Variants in STIM1 observed in about 807,000 individuals in gnomAD.
The protein encoded by STIM1 is stromal interaction molecule 1.
In STIM1, 25 loss-of-function variants were observed where a neutral mutation model predicts 74.7. The ratio of observed to expected loss-of-function variants is 0.33; its 90% confidence interval spans 0.24 to 0.47. The LOEUF is 0.47. Ranked by LOEUF, STIM1 falls within the 20% of genes least tolerant of loss-of-function variation. The probability of loss-of-function intolerance (pLI) is 1.00; values close to 1 mark genes in which losing one functional copy is unlikely to be tolerated. For synonymous variants in STIM1, 328 were observed against 348.8 expected, an observed-to-expected ratio of 0.94 and a Z score of 0.66; for missense variants, 728 against 920.8, an observed-to-expected ratio of 0.79 and a Z score of 2.71.
intron 3 of STIM1, among the ~76,000 whole-genome samples, chr11:4,029,611 C>A (rs2094030600): frequency 6.6e-6 from 1 of 150,888 alleles, no homozygotes; most frequent in Admixed American, 6.6e-5. Context: ...CAGAGAGAGA[C>A]AGAGTGTGCG....
At chr11:3,903,818 A>G (rs1485780451) in intron 1 of STIM1, among the ~76,000 whole-genome samples, 2 of 152,190 alleles carry the variant, frequency 1.3e-5, no homozygotes, top group Admixed American at 6.5e-5. Context: ...GTCTGTGTCC[A>G]TGAACAACCT....
Position 4,091,299 on chromosome 11 carries a change from A to G in STIM1, c.1652A>G (p.Asp551Gly). 1 of 1,614,020 alleles carries G rather than the reference A, an allele frequency of 6.2e-7. No homozygotes were observed. The highest frequency in any genetic ancestry group is 8.5e-7 in the Non-Finnish European group (1 of 1,180,006). The stretch of plus-strand genomic sequence containing the variant: ...TCTTGCAGGGATTTGACCCATTCCG[A>G]TTCGGAGTCCTCCCTCCACATGAGT... ...LGSQRDLTHS[D>G]SESSLHMSDR... The change falls in exon 13 of 13, where the codon GAT (aspartate) becomes GGT (glycine). Residue 551 changes from aspartate to glycine, a missense_variant. Asp to Gly is a moderately conservative substitution (Grantham distance 94). This residue lies in a region of STIM1 where 352 missense variants were observed against 370.1 expected (regional missense o/e 0.95). Transcript: ENST00000526596.
At chr11:4,031,534 A>G (rs940746926) in intron 3 of STIM1, among the ~76,000 whole-genome samples, 1 of 152,196 alleles carries the variant, frequency 6.6e-6, no homozygotes, top group Non-Finnish European at 1.5e-5. Context: ...GTTCTTCCAT[A>G]TCTTTACAAA....
At chr11:4,074,742 C>T in intron 7 of STIM1, 63 bp downstream of exon 7, 2 of 1,526,160 alleles carry the variant, frequency 1.3e-6, no homozygotes, top group Non-Finnish European at 1.8e-6. Flanking sequence ...GGCCCAGGGT[C>T]TGGCTAGAAA....
chr11:3,940,016 A>G (rs1010786613), intron 1 of STIM1, among the ~76,000 whole-genome samples: 1 of 152,196 alleles, frequency 6.6e-6, no homozygotes, highest in Non-Finnish European at 1.5e-5. Flanking sequence ...TGGGATCTTC[A>G]TATCATTGCT....
At chr11:3,973,334 A>G (rs1378248366) in intron 2 of STIM1, 2 of 444,596 alleles carry the variant, frequency 4.5e-6, no homozygotes, top group Non-Finnish European at 8.8e-6. Flanking sequence ...TAGATGAAAC[A>G]CTAGCCATCT....
At chr11:4,003,951 C>T (rs996331672) in intron 2 of STIM1, among the ~76,000 whole-genome samples, 1 of 152,134 alleles carries the variant, frequency 6.6e-6, no homozygotes, top group Non-Finnish European at 1.5e-5. Context: ...CAATAACAGA[C>T]AAACAGAGAG....
intron 3 of STIM1, among the ~76,000 whole-genome samples, chr11:4,032,579 G>T (rs557909443): frequency 4.7e-4 from 71 of 152,250 alleles, no homozygotes; most frequent in African/African-American, 1.6e-3. Flanking sequence ...GAATAGGATT[G>T]CATTGAATCT....
At chr11:3,981,640 G>T (rs1326685956) in intron 2 of STIM1, among the ~76,000 whole-genome samples, 2 of 152,168 alleles carry the variant, frequency 1.3e-5, no homozygotes, top group Non-Finnish European at 2.9e-5. Context: ...TGAAGTCAGT[G>T]TTGGGTTGTT....
At chr11:3,978,446 C>T (rs1465600040) in intron 2 of STIM1, among the ~76,000 whole-genome samples, 3 of 150,260 alleles carry the variant, frequency 2.0e-5, no homozygotes, top group Non-Finnish European at 3.0e-5. Context: ...CCACGCCCGG[C>T]GCCTGTGTAC....
intron 5 of STIM1, among the ~76,000 whole-genome samples, chr11:4,067,344 G>A (rs551055379): frequency 7.9e-5 from 12 of 152,286 alleles, no homozygotes; most frequent in African/African-American, 2.9e-4. Flanking sequence ...TTAAGGCCTG[G>A]TTATTTGGCC....
At chr11:3,892,043 G>T (rs916256384) in intron 1 of STIM1, among the ~76,000 whole-genome samples, 3 of 152,152 alleles carry the variant, frequency 2.0e-5, no homozygotes, top group African/African-American at 7.2e-5. Flanking sequence ...ATAGAAATTT[G>T]GTAAATGTTT....
At chr11:3,920,208 G>C (rs935570293) in intron 1 of STIM1, among the ~76,000 whole-genome samples, 1 of 151,526 alleles carries the variant, frequency 6.6e-6, no homozygotes, top group Non-Finnish European at 1.5e-5. Flanking sequence ...CAGTCTTTCT[G>C]CCTCAGCCTC....
chr11:3,864,429 A>C (rs2090766574), intron 1 of STIM1, among the ~76,000 whole-genome samples: 1 of 152,032 alleles, frequency 6.6e-6, no homozygotes, highest in Non-Finnish European at 1.5e-5. Flanking sequence ...TGAAGACTCT[A>C]TTTGGGGGGA....
intron 4 of STIM1, 130 bp from the exon 5 acceptor site, chr11:4,059,151 T>C: frequency 1.2e-6 from 1 of 863,226 alleles, no homozygotes; most frequent in Non-Finnish European, 1.9e-6. Flanking sequence ...GTATAGACTC[T>C]GTGTTCTAGA....
chr11:3,968,891 A>T (rs2093365306), intron 2 of STIM1, among the ~76,000 whole-genome samples: 1 of 152,150 alleles, frequency 6.6e-6, no homozygotes, highest in Non-Finnish European at 1.5e-5. Context: ...ACTTCAACAG[A>T]TTTATGAAGT....
chr11:4,031,611 G>A (rs60092919), intron 3 of STIM1, among the ~76,000 whole-genome samples: 1 of 152,120 alleles, frequency 6.6e-6, no homozygotes, highest in African/African-American at 2.4e-5. Flanking sequence ...GTTTTATTTT[G>A]TATTTGCCTA....
chr11:3,942,907 T>C (rs1281754636), intron 1 of STIM1, among the ~76,000 whole-genome samples: 2 of 152,092 alleles, frequency 1.3e-5, no homozygotes, highest in African/African-American at 4.8e-5. Context: ...TCTTGTAGAG[T>C]CTCAAGCTAA....
At chr11:3,895,612 T>TTCTCTTTCTTTCTTTCTTTCTTTC (rs71047184) in intron 1 of STIM1, among the ~76,000 whole-genome samples, 12 of 32,300 alleles carry the variant, frequency 3.7e-4, no homozygotes, top group African/African-American at 1.6e-3. Flanking sequence ...TTCTCTCTCT[T>TTCTCTTTCTTTCTTTCTTTCTTTC]TCTTTCTTTC....
Sources: allele counts gnomAD v4.1 joint callset (sites outside exome capture counted in the v4.1 genomes callset), GRCh38; gene constraint gnomAD v4.1.1; regional missense constraint gnomAD v4.1.1; transcripts MANE v1.5; gene names NCBI Gene and HGNC (gene_info 2026-07-23, HGNC 2026-07-21).